Variants in SLC13A1 observed in about 807,000 individuals in gnomAD.
The protein encoded by SLC13A1 is Na(+)/sulfate cotransporter.
In SLC13A1, 65 loss-of-function variants were observed where a neutral mutation model predicts 70.0. That is an observed-to-expected ratio of 0.93 (90% CI 0.76 to 1.14). The LOEUF (loss-of-function observed/expected upper bound fraction) is 1.14. SLC13A1 is among the 50% of genes most tolerant of loss of function. The pLI, the probability that SLC13A1 is intolerant of heterozygous loss-of-function variation, is 0.00. For missense variants in SLC13A1, 726 were observed against 717.8 expected, an observed-to-expected ratio of 1.01 and a Z score of -0.13; for synonymous variants, 275 against 250.5, an observed-to-expected ratio of 1.10 and a Z score of -0.92.
chr7:123,156,840 C>G (rs1302909065), intron 6 of SLC13A1, among the ~76,000 whole-genome samples: 4 of 152,072 alleles, frequency 2.6e-5, no homozygotes, highest in Non-Finnish European at 5.9e-5. Context: ...CAAACCTATC[C>G]CTTCAGATGA....
intron 6 of SLC13A1, among the ~76,000 whole-genome samples, 180 bp downstream of exon 6, chr7:123,168,194 A>AT (rs572759845): frequency 1.3e-5 from 2 of 152,190 alleles, no homozygotes; most frequent in Non-Finnish European, 2.9e-5. Flanking sequence ...TCCTATCCAG[A>AT]TGTTGATTTC....
chr7:123,125,650 T>A lies in SLC13A1; in HGVS notation c.1159A>T (p.Thr387Ser). Residue 387 changes from threonine to serine, a missense_variant, in exon 11 of 15, where the codon ACT becomes TCT. Physicochemically the swap from Thr to Ser is moderately conservative, Grantham distance 58. Transcript: ENST00000194130. ...SEYPGFATDSTVALLIGLLFF... is the reference protein window; with the variant it reads ...SEYPGFATDSSVALLIGLLFF... ...AGCAGCCCTATAAGTAAAGCAACAG[T>A]TGAATCTGTAGCAAAACCAGGGTAC... is the stretch of plus-strand genomic sequence containing the variant. 6.2e-7 allele frequency: 1 copy of A among 1,612,982 alleles called. No individual in the cohort carries two copies.
chr7:123,135,665 G>A (rs1426090443), intron 7 of SLC13A1, among the ~76,000 whole-genome samples: 1 of 151,942 alleles, frequency 6.6e-6, no homozygotes, highest in Non-Finnish European at 1.5e-5. Flanking sequence ...ACTTTAGAGT[G>A]TTTCTTTTTC....
At chr7:123,147,483 C>T (rs1305520890) in intron 6 of SLC13A1, among the ~76,000 whole-genome samples, 173 bp from the exon 7 acceptor site, 1 of 152,078 alleles carries the variant, frequency 6.6e-6, no homozygotes, top group African/African-American at 2.4e-5. Flanking sequence ...GAGGATGTGG[C>T]CCTGGTCTGA....
intron 2 of SLC13A1, among the ~76,000 whole-genome samples, chr7:123,179,225 T>G (rs1795555909): frequency 6.6e-6 from 1 of 152,134 alleles, no homozygotes; most frequent in Non-Finnish European, 1.5e-5. Context: ...TAGAAATAAG[T>G]TTAATGAGTC....
chr7:123,199,907 G>C lies in SLC13A1; in HGVS notation c.40C>G (p.Leu14Val). 6.2e-7 allele frequency: 1 copy of C among 1,613,152 alleles called. No individual in the cohort carries two copies. Among genetic ancestry groups the C allele is most frequent in the Non-Finnish European group, 8.5e-7 (1 of 1,179,412 alleles). The stretch of plus-strand genomic sequence containing the variant: ...ACCAACACAGTGAAAACCACGAAGA[G>C]AAATCGGCGATAAACCAGAATGTAA... ...FSYILVYRRFLFVVFTVLVLL... is the reference protein window; with the variant it reads ...FSYILVYRRFVFVVFTVLVLL... Residue 14 changes from leucine to valine, a missense_variant, in exon 1 of 15, where the codon CTC becomes GTC. Physicochemically the swap from Leu to Val is conservative, Grantham distance 32 (BLOSUM62 1). Coordinates refer to ENST00000194130, the MANE Select transcript of SLC13A1 (RefSeq NM_022444.4).
intron 7 of SLC13A1, among the ~76,000 whole-genome samples, chr7:123,135,631 T>G (rs1286674226): frequency 6.6e-6 from 1 of 152,186 alleles, no homozygotes; most frequent in African/African-American, 2.4e-5. Context: ...TATTTCATGT[T>G]ATATCTATGT....
chr7:123,129,486 A>C lies in SLC13A1; in HGVS notation c.933-5T>G, dbSNP rs1404232527. 2 of 1,610,196 alleles carry C rather than the reference A, an allele frequency of 1.2e-6. No individual in the cohort carries two copies. The highest frequency in any genetic ancestry group is 1.1e-5 in the South Asian group (1 of 90,966). ...CATTTGAACATCTCCTTAAAACTGC[A>C]AAGAATAATTAAGCCTGTAAGCAAG... On this transcript the variant is annotated splice_region_variant and splice_polypyrimidine_tract_variant and intron_variant, in intron 8 of 14. Transcript: ENST00000194130.
intron 8 of SLC13A1, among the ~76,000 whole-genome samples, chr7:123,131,975 T>C (rs1793780305): frequency 6.6e-6 from 1 of 152,212 alleles, no homozygotes; most frequent in African/African-American, 2.4e-5. Flanking sequence ...TCATTAAATG[T>C]AGCAATGAAG....
rs567414950 is a variant in SLC13A1, at chr7:123,134,744, G to GT, written c.813-216dup. Among the ~76,000 whole-genome samples the GT allele has an allele frequency of 5.0e-3, 768 of 152,288 alleles. 10 individuals are homozygous for GT. The highest frequency in any genetic ancestry group is 4.9e-3 in the Non-Finnish European group (335 of 68,032). On this transcript the variant is annotated intron_variant, in intron 7 of 14. Transcript: ENST00000194130. Reference sequence around the variant, plus strand: ...ATCACTGCATCCCATATAAGCAAGAGTGGATGTGTTTTGATTTTTGTTCTC... The same window carrying GT: ...ATCACTGCATCCCATATAAGCAAGAGTTGGATGTGTTTTGATTTTTGTTCTC...
chr7:123,134,802 A>G (rs1793897064), intron 7 of SLC13A1, among the ~76,000 whole-genome samples: 1 of 152,188 alleles, frequency 6.6e-6, no homozygotes, highest in African/African-American at 2.4e-5. Context: ...GCTTGTGGAA[A>G]AAACCCAGTG....
Position 123,115,548 on chromosome 7 carries a change from A to T in SLC13A1, c.1758T>A (p.Ala586=), listed in dbSNP as rs371328650. 1.7e-5 allele frequency: 28 copies of T among 1,613,642 alleles called. No homozygotes were observed. The highest frequency in any genetic ancestry group is 1.2e-4 in the Admixed American group (7 of 60,018). ...MFDLYTYPSW[A]PAMSNETMP Reference sequence around the variant, plus strand: ...GCATGGTCTCATTACTCATAGCAGGAGCCCACGAAGGGTAAGTGTAGAGGT... The same window carrying T: ...GCATGGTCTCATTACTCATAGCAGGTGCCCACGAAGGGTAAGTGTAGAGGT... The change falls in exon 15 of 15, where the codon GCT becomes GCA. Residue 586 remains alanine, a synonymous_variant. Transcript: ENST00000194130.
chr7:123,151,366 A>ATG (rs558304741), intron 6 of SLC13A1, among the ~76,000 whole-genome samples: 32,175 of 145,502 alleles, frequency 0.22, 4,155 homozygotes, highest in East Asian at 0.3. Context: ...ATTTGAATAT[A>ATG]TGTGTGTGTG....
chr7:123,115,256 G>T lies in SLC13A1; in HGVS notation c.*262C>A. 7.8e-6 allele frequency: 2 copies of T among 256,352 alleles called. No homozygotes were observed. The highest frequency in any genetic ancestry group is 1.5e-5 in the Non-Finnish European group (2 of 135,474). The allele number at this position is 256,352 out of a possible 1,614,324, so 15.9% of individuals were successfully genotyped here. On this transcript the variant is annotated 3_prime_UTR_variant, in exon 15 of 15. Coordinates refer to ENST00000194130, the MANE Select transcript of SLC13A1 (RefSeq NM_022444.4). ...TCAAGTTATAAATTATTCTTATGAT[G>T]AAGCAAGTTGCAGATGGTTCATGAG...
chr7:123,123,122 T>C lies in SLC13A1; in HGVS notation c.1350+4A>G. 2 of 1,587,066 alleles carry C rather than the reference T, an allele frequency of 1.3e-6. No individual in the cohort carries two copies. The highest frequency in any genetic ancestry group is 1.1e-5 in the South Asian group (1 of 90,524). On this transcript the variant is annotated splice_donor_region_variant and intron_variant, in intron 12 of 14. Transcript: ENST00000194130. ...TGTTAAATATCTTACACACAGAGTA[T>C]TACCTCACAACCATCTGCCAGGGCA...
intron 3 of SLC13A1, among the ~76,000 whole-genome samples, chr7:123,170,107 A>G (rs571687006): frequency 6.8e-4 from 103 of 152,174 alleles, no homozygotes; most frequent in African/African-American, 2.1e-3. Context: ...ACACTTGGGG[A>G]AAAAAATGAT....
intron 11 of SLC13A1, among the ~76,000 whole-genome samples, chr7:123,123,946 C>G (rs1212531889): frequency 6.6e-6 from 1 of 152,084 alleles, no homozygotes; most frequent in Non-Finnish European, 1.5e-5. Flanking sequence ...TTTAAGTTTA[C>G]CAATAAGCTT....
intron 6 of SLC13A1, among the ~76,000 whole-genome samples, chr7:123,167,070 T>A (rs777653838): frequency 2.0e-5 from 3 of 152,110 alleles, no homozygotes; most frequent in Non-Finnish European, 2.9e-5. Flanking sequence ...ATGTGGAGAA[T>A]TAGGAACACT....
intron 7 of SLC13A1, among the ~76,000 whole-genome samples, chr7:123,138,646 T>A (rs967708093): frequency 6.6e-6 from 1 of 152,208 alleles, no homozygotes; most frequent in Admixed American, 6.5e-5. Context: ...TTTGTAGTTT[T>A]GATTTACATT....
Sources: gnomAD v4.1 joint callset for allele counts (sites outside exome capture counted in the v4.1 genomes callset) on GRCh38, gnomAD v4.1.1 for gene constraint, MANE v1.5 for transcripts, NCBI Gene and HGNC (gene_info 2026-07-23, HGNC 2026-07-21) for gene names.